Variants in PIBF1 observed in about 807,000 individuals in gnomAD.
The protein encoded by PIBF1 is progesterone-induced-blocking factor 1.
A neutral mutation model predicts 112.5 loss-of-function variants in PIBF1; 90 were observed. That is an observed-to-expected ratio of 0.80 (90% CI 0.67 to 0.95). The LOEUF (loss-of-function observed/expected upper bound fraction) is 0.95, where lower values mean the gene tolerates loss of function less well. Among genes scored for constraint, PIBF1 ranks in the 40% least tolerant of loss-of-function variants. The pLI is 0.00. For synonymous variants in PIBF1, 301 were observed against 288.6 expected, an observed-to-expected ratio of 1.04 and a Z score of -0.44; for missense variants, 915 against 852.3, an observed-to-expected ratio of 1.07 and a Z score of -0.92.
At chr13:72,878,372 T>G (rs537684831) in intron 10 of PIBF1, among the ~76,000 whole-genome samples, 1 of 152,342 alleles carries the variant, frequency 6.6e-6, no homozygotes, top group African/African-American at 2.4e-5. Flanking sequence ...CTAATTTCTC[T>G]TGCATTTTCT....
intron 8 of PIBF1, among the ~76,000 whole-genome samples, chr13:72,828,183 C>T (rs1232953766): frequency 6.7e-6 from 1 of 150,094 alleles, no homozygotes; most frequent in Non-Finnish European, 1.5e-5. Context: ...TTCTTGAATA[C>T]AGTAATGAGC....
At chr13:72,819,570 G>C (rs957970635) in intron 5 of PIBF1, among the ~76,000 whole-genome samples, 2 of 151,992 alleles carry the variant, frequency 1.3e-5, no homozygotes, top group African/African-American at 4.8e-5. Context: ...AACTTAGATT[G>C]GAGTCCTCAC....
chr13:72,954,219 C>T (rs568151216), intron 14 of PIBF1, among the ~76,000 whole-genome samples: 11 of 152,254 alleles, frequency 7.2e-5, no homozygotes, highest in Admixed American at 7.2e-4. Flanking sequence ...CTAACAGCAA[C>T]TAGCTGTGTT....
intron 16 of PIBF1, among the ~76,000 whole-genome samples, chr13:72,994,158 G>A (rs36054703): frequency 6.6e-6 from 1 of 152,020 alleles, no homozygotes; most frequent in Non-Finnish European, 1.5e-5. Context: ...AGAGGCCGGA[G>A]GCGGGGAAGG....
chr13:72,914,754 A>G (rs2041023299), intron 12 of PIBF1, among the ~76,000 whole-genome samples: 1 of 151,986 alleles, frequency 6.6e-6, no homozygotes, highest in African/African-American at 2.4e-5. Context: ...CCAACTAATT[A>G]TTTTTTGTAG....
intron 10 of PIBF1, among the ~76,000 whole-genome samples, chr13:72,858,915 A>G (rs2038566902): frequency 6.6e-6 from 1 of 152,182 alleles, no homozygotes; most frequent in African/African-American, 2.4e-5. Flanking sequence ...CTATTAAGGA[A>G]CATATTAGTA....
chr13:72,866,599 C>T (rs1207111027), intron 10 of PIBF1, among the ~76,000 whole-genome samples: 1 of 151,998 alleles, frequency 6.6e-6, no homozygotes, highest in Non-Finnish European at 1.5e-5. Context: ...TAATAACATT[C>T]TTTAAGAACA....
intron 13 of PIBF1, among the ~76,000 whole-genome samples, chr13:72,929,039 A>C (rs76313597): frequency 0.1 from 15,623 of 152,260 alleles, 1,091 homozygotes; most frequent in Non-Finnish European, 0.15. Flanking sequence ...GAGTATACAC[A>C]TACTTGTTCT....
chr13:72,998,579 AT>A (rs956618485), intron 16 of PIBF1, among the ~76,000 whole-genome samples: 3 of 152,188 alleles, frequency 2.0e-5, no homozygotes, highest in Non-Finnish European at 4.4e-5. Context: ...TCCACAGGTG[AT>A]TTCAGTGTGC....
intron 6 of PIBF1, among the ~76,000 whole-genome samples, chr13:72,822,945 A>T (rs549120393): frequency 6.6e-6 from 1 of 152,298 alleles, no homozygotes; most frequent in South Asian, 2.1e-4. Context: ...TTTAAAAATG[A>T]AGTAGAGGGC....
At chr13:72,874,841 C>A (rs1294143811) in intron 10 of PIBF1, among the ~76,000 whole-genome samples, 3 of 152,114 alleles carry the variant, frequency 2.0e-5, no homozygotes, top group Admixed American at 1.3e-4. Context: ...TAACCCCTAC[C>A]CCTACACATG....
intron 9 of PIBF1, among the ~76,000 whole-genome samples, chr13:72,837,792 T>G (rs1439541041): frequency 2.0e-5 from 3 of 152,198 alleles, no homozygotes; most frequent in Admixed American, 6.5e-5. Context: ...TATACACATA[T>G]ATTTTTGTGG....
rs571527458 is a variant in PIBF1, at chr13:72,832,592, C to T, written c.1098-2651C>T. On this transcript the variant is annotated intron_variant, in intron 8 of 17. Coordinates refer to ENST00000326291, the MANE Select transcript of PIBF1 (RefSeq NM_006346.4). ...TTTCTTTAAGAATGTTGAATATTGG[C>T]CCCCACTCTTTCTGCCTTGTAGGGT... Among the ~76,000 whole-genome samples, 3 of 152,230 alleles carry T rather than the reference C, an allele frequency of 2.0e-5. No individual in the cohort carries two copies. The South Asian group carries it at 6.2e-4, about 32-fold the overall frequency.
chr13:72,840,358 TTG>T, intron 9 of PIBF1, among the ~76,000 whole-genome samples: 1 of 151,992 alleles, frequency 6.6e-6, no homozygotes, highest in East Asian at 1.9e-4. Flanking sequence ...ACATTTAAGG[TTG>T]TGTGTGTGTG....
chr13:72,895,475 A>C (rs1453038899), intron 11 of PIBF1, among the ~76,000 whole-genome samples: 1 of 151,908 alleles, frequency 6.6e-6, no homozygotes, highest in African/African-American at 2.4e-5. Context: ...GGGAAAAAAA[A>C]GGAATGGACC....
intron 10 of PIBF1, among the ~76,000 whole-genome samples, chr13:72,858,873 A>G (rs986977322): frequency 6.6e-6 from 1 of 152,210 alleles, no homozygotes; most frequent in Non-Finnish European, 1.5e-5. Context: ...TCTTGTTTTC[A>G]TAAAAGGGAA....
intron 11 of PIBF1, among the ~76,000 whole-genome samples, chr13:72,897,932 G>A (rs79083977): frequency 0.1 from 15,664 of 152,108 alleles, 2,296 homozygotes; most frequent in African/African-American, 0.33. Flanking sequence ...GGATTTAACT[G>A]GATTTAAACT....
intron 11 of PIBF1, among the ~76,000 whole-genome samples, chr13:72,900,802 T>G (rs1325952322): frequency 6.6e-6 from 1 of 151,978 alleles, no homozygotes; most frequent in Admixed American, 6.6e-5. Flanking sequence ...GCAGGCAGAT[T>G]ACATGAGGTT....
intron 10 of PIBF1, among the ~76,000 whole-genome samples, chr13:72,854,918 T>G (rs2038345008): frequency 6.6e-6 from 1 of 152,160 alleles, no homozygotes; most frequent in South Asian, 2.1e-4. Flanking sequence ...AAAATGATAT[T>G]TATTTTAATA....
Sources: allele counts gnomAD v4.1 joint callset (sites outside exome capture counted in the v4.1 genomes callset), GRCh38; gene constraint gnomAD v4.1.1; transcripts MANE v1.5; gene names NCBI Gene and HGNC (gene_info 2026-07-23, HGNC 2026-07-21).